SEMA5A: variants seen among roughly 807,000 people sequenced by gnomAD.
The protein encoded by SEMA5A is semaphorin 5A, also known as semaphorin-5A.
SEMA5A carries 55 observed loss-of-function variants against 135.5 expected under a neutral mutation model. The ratio of observed to expected loss-of-function variants is 0.41; its 90% CI spans 0.33 to 0.51. The LOEUF is 0.51. SEMA5A is among the 20% of genes least tolerant of loss of function. The pLI is 0.37. For synonymous variants in SEMA5A, 580 were observed against 546.5 expected (o/e 1.06, Z -0.85); for missense variants, 1,290 against 1,419.9 (o/e 0.91, Z 1.47).
At chr5:9,501,699 A>G (rs749855359) in intron 1 of SEMA5A, among the ~76,000 whole-genome samples, 2 of 152,196 alleles carry the variant, frequency 1.3e-5, no homozygotes, top group African/African-American at 2.4e-5. Flanking sequence ...CATGAAGACA[A>G]AAACTACTCG....
intron 1 of SEMA5A, among the ~76,000 whole-genome samples, chr5:9,468,593 G>A (rs1759352055): frequency 5.8e-5 from 1 of 17,306 alleles, no homozygotes; most frequent in Non-Finnish European, 1.4e-4. Context: ...ACTTGGGGGT[G>A]TGTCCTACAT....
Position 9,190,160 on chromosome 5 carries a change from A to G in SEMA5A, c.1273+107T>C, listed in dbSNP as rs375114037. 110 of 1,177,602 alleles carry G rather than the reference A, an allele frequency of 9.3e-5. No individual in the cohort carries two copies. In the African/African-American group the frequency reaches 1.5e-3, roughly 16 times the overall value. The allele number at this position is 1,177,602 out of a possible 1,614,324, so 72.9% of individuals were successfully genotyped here. Reference sequence around the variant, plus strand: ...CGGGTTTTGCTGGTTGCAAAAAGAGACATCAGGCGTAAAGCTTGAAATTGA... The same window carrying G: ...CGGGTTTTGCTGGTTGCAAAAAGAGGCATCAGGCGTAAAGCTTGAAATTGA... On this transcript the variant is annotated intron_variant, in intron 11 of 22. Coordinates refer to ENST00000382496, the MANE Select transcript of SEMA5A (RefSeq NM_003966.3).
At chr5:9,344,104 T>G (rs977808361) in intron 3 of SEMA5A, among the ~76,000 whole-genome samples, 7 of 152,362 alleles carry the variant, frequency 4.6e-5, no homozygotes, top group Middle Eastern at 3.4e-3. Flanking sequence ...CAACATTTCT[T>G]ACTTATACTT....
chr5:9,163,908 A>C (rs938476541), intron 11 of SEMA5A, among the ~76,000 whole-genome samples: 2 of 150,828 alleles, frequency 1.3e-5, no homozygotes, highest in Non-Finnish European at 2.9e-5. Context: ...GCTGAGAAAT[A>C]AATTTCTGTT....
chr5:9,378,049 G>A, intron 3 of SEMA5A, among the ~76,000 whole-genome samples: 1 of 151,890 alleles, frequency 6.6e-6, no homozygotes. Context: ...TAAACTACAT[G>A]GATTAAAATA....
At chr5:9,085,588 A>C (rs61090048) in intron 16 of SEMA5A, among the ~76,000 whole-genome samples, 4,881 of 152,280 alleles carry the variant, frequency 0.032, 252 homozygotes, top group African/African-American at 0.11. Context: ...GGGAACCTCC[A>C]CCTAGATTTT....
At chr5:9,271,110 T>C (rs1472454384) in intron 5 of SEMA5A, among the ~76,000 whole-genome samples, 1 of 152,056 alleles carries the variant, frequency 6.6e-6, no homozygotes, top group Non-Finnish European at 1.5e-5. Context: ...ATTTCCCCCA[T>C]GCTGTTCTCC....
At chr5:9,071,874 G>A (rs536703501) in intron 16 of SEMA5A, among the ~76,000 whole-genome samples, 1 of 152,152 alleles carries the variant, frequency 6.6e-6, no homozygotes, top group Non-Finnish European at 1.5e-5. Context: ...TCACATTAGA[G>A]AAATAACAAA....
chr5:9,060,569 T>C (rs772894598), intron 18 of SEMA5A, among the ~76,000 whole-genome samples: 9 of 151,996 alleles, frequency 5.9e-5, no homozygotes, highest in Non-Finnish European at 1.0e-4. Flanking sequence ...TTACTGGGGC[T>C]GTGGGAAAGA....
chr5:9,510,905 C>CTATTG (rs1736164790), intron 1 of SEMA5A, among the ~76,000 whole-genome samples: 1 of 152,176 alleles, frequency 6.6e-6, no homozygotes, highest in Non-Finnish European at 1.5e-5. Flanking sequence ...ATTGGACATA[C>CTATTG]GAATTGTCAC....
At chr5:9,071,286 G>A (rs1435169800) in intron 16 of SEMA5A, among the ~76,000 whole-genome samples, 1 of 152,138 alleles carries the variant, frequency 6.6e-6, no homozygotes, top group Non-Finnish European at 1.5e-5. Context: ...GGCTTCCTGT[G>A]TTCCTTCTGT....
chr5:9,207,249 G>A (rs931564946), intron 8 of SEMA5A, among the ~76,000 whole-genome samples: 2 of 151,444 alleles, frequency 1.3e-5, no homozygotes, highest in African/African-American at 4.9e-5. Context: ...GCAATGGTGC[G>A]ATCTCAGCTC....
intron 1 of SEMA5A, among the ~76,000 whole-genome samples, chr5:9,456,422 T>C (rs1758836611): frequency 6.6e-6 from 1 of 151,306 alleles, no homozygotes; most frequent in South Asian, 2.1e-4. Context: ...AACAAGAAAA[T>C]TAAAAACTCT....
At chr5:9,176,322 G>A (rs1744203847) in intron 11 of SEMA5A, among the ~76,000 whole-genome samples, 1 of 152,100 alleles carries the variant, frequency 6.6e-6, no homozygotes, top group African/African-American at 2.4e-5. Context: ...GACAAAACTA[G>A]GGCCCTCTGT....
In SEMA5A at chr5:9,202,020, G is replaced by C. The variant is rs754415834; in HGVS notation, c.867C>G (p.Asn289Lys). 1.2e-6 allele frequency: 2 copies of C among 1,614,190 alleles called. No homozygotes were observed. Among genetic ancestry groups the C allele is most frequent in the Non-Finnish European group, 1.7e-6 (2 of 1,180,016 alleles). ...SRPGEVPFYY[N>K]ELQSTFFLPE... ...GCAGGAAGAAAGTACTCTGCAATTC[G>C]TTGTAGTAAAAGGGGACTTCCCCAG... Residue 289 changes from asparagine to lysine, a missense_variant, in exon 9 of 23, where the codon AAC becomes AAG. Physicochemically the swap from Asn to Lys is moderately conservative, Grantham distance 94. Transcript: ENST00000382496.
intron 5 of SEMA5A, among the ~76,000 whole-genome samples, chr5:9,244,734 A>G (rs1374182178): frequency 6.6e-6 from 1 of 152,196 alleles, no homozygotes; most frequent in Non-Finnish European, 1.5e-5. Flanking sequence ...TGCCCTTGGA[A>G]GTCGCTCAGG....
intron 5 of SEMA5A, among the ~76,000 whole-genome samples, chr5:9,275,930 A>C (rs530052183): frequency 2.9e-4 from 44 of 152,272 alleles, no homozygotes; most frequent in African/African-American, 8.7e-4. Context: ...TCACCACTCC[A>C]ACTCAACATA....
chr5:9,360,164 T>A (rs574946667), intron 3 of SEMA5A, among the ~76,000 whole-genome samples: 1 of 152,320 alleles, frequency 6.6e-6, no homozygotes, highest in African/African-American at 2.4e-5. Context: ...CAGTAGGTCA[T>A]CCTACTTCAT....
At chr5:9,442,584 C>A (rs1290051320) in intron 1 of SEMA5A, among the ~76,000 whole-genome samples, 1 of 152,134 alleles carries the variant, frequency 6.6e-6, no homozygotes, top group Non-Finnish European at 1.5e-5. Context: ...CCATGAGCCA[C>A]ATGGCAAACA....
Sources: allele counts gnomAD v4.1 joint callset (sites outside exome capture counted in the v4.1 genomes callset), GRCh38; gene constraint gnomAD v4.1.1; transcripts MANE v1.5; gene names NCBI Gene and HGNC (gene_info 2026-07-23, HGNC 2026-07-21).